Variants in CYP39A1 observed in about 807,000 individuals in gnomAD.
The protein encoded by CYP39A1 is cytochrome P450 family 39 subfamily A member 1.
A neutral mutation model predicts 58.1 loss-of-function variants in CYP39A1; 49 were observed. That is an observed-to-expected ratio of 0.84 (90% confidence interval 0.67 to 1.07). The LOEUF (loss-of-function observed/expected upper bound fraction) is 1.07, where lower values mean the gene tolerates loss of function less well. Ranked by LOEUF, CYP39A1 falls within the 50% of genes least tolerant of loss-of-function variation. The probability of loss-of-function intolerance (pLI) is 0.00; values close to 1 mark genes in which losing one functional copy is unlikely to be tolerated. For missense variants in CYP39A1, 531 were observed against 539.4 expected, an observed-to-expected ratio of 0.98 and a Z score of 0.16; for synonymous variants, 209 against 187.6, an observed-to-expected ratio of 1.11 and a Z score of -0.93.
intron 6 of CYP39A1, among the ~76,000 whole-genome samples, chr6:46,626,218 T>A (rs1228126679): frequency 6.6e-6 from 1 of 152,170 alleles, no homozygotes; most frequent in African/African-American, 2.4e-5. Flanking sequence ...GATAAAATCA[T>A]ACTGCTTTAC....
At chr6:46,551,342 A>C (rs1233468519) in intron 11 of CYP39A1, among the ~76,000 whole-genome samples, 1 of 148,896 alleles carries the variant, frequency 6.7e-6, no homozygotes, top group Non-Finnish European at 1.5e-5. Context: ...AGATTTCCTA[A>C]GGTTCTATGA....
At chr6:46,585,600 C>G (rs1030679318) in intron 10 of CYP39A1, among the ~76,000 whole-genome samples, 1 of 151,982 alleles carries the variant, frequency 6.6e-6, no homozygotes, top group African/African-American at 2.4e-5. Flanking sequence ...GTAACTGATA[C>G]TCAATTATAA....
chr6:46,600,903 C>A (rs561766003), intron 7 of CYP39A1, among the ~76,000 whole-genome samples: 4 of 152,096 alleles, frequency 2.6e-5, no homozygotes, highest in Non-Finnish European at 4.4e-5. Context: ...GGAAAACTCC[C>A]GATTTGTAGA....
chr6:46,562,625 C>CAAAA (rs1254760661), intron 10 of CYP39A1, among the ~76,000 whole-genome samples: 1 of 150,868 alleles, frequency 6.6e-6, no homozygotes, highest in East Asian at 2.0e-4. Context: ...ATAAAATAAA[C>CAAAA]AAATAAATAA....
At chr6:46,637,050 A>C (rs1776033580) in intron 4 of CYP39A1, among the ~76,000 whole-genome samples, 1 of 152,142 alleles carries the variant, frequency 6.6e-6, no homozygotes, top group South Asian at 2.1e-4. Flanking sequence ...AGGAGTACTA[A>C]CCTTATGAAC....
intron 7 of CYP39A1, among the ~76,000 whole-genome samples, chr6:46,596,404 C>T (rs1761062279): frequency 6.6e-6 from 1 of 152,058 alleles, no homozygotes; most frequent in Non-Finnish European, 1.5e-5. Context: ...TATCAAATAG[C>T]TAAGACAGTC....
chr6:46,587,308 A>G, intron 9 of CYP39A1, 143 bp from the exon 10 acceptor site: 5 of 673,408 alleles, frequency 7.4e-6, no homozygotes, highest in Non-Finnish European at 8.0e-6. Context: ...CCACCCTGTT[A>G]TTAATATTAG....
At chr6:46,583,150 T>C in intron 10 of CYP39A1, 4 of 985,386 alleles carry the variant, frequency 4.1e-6, no homozygotes, top group Non-Finnish European at 4.8e-6. Flanking sequence ...TGCTTCATTT[T>C]AACTTCTCAA....
Position 46,652,464 on chromosome 6 carries a change from C to G in CYP39A1, c.119G>C (p.Gly40Ala), listed in dbSNP as rs761905057. 9.3e-6 allele frequency: 15 copies of G among 1,613,782 alleles called. No homozygotes were observed. Among genetic ancestry groups the G allele is most frequent in the Non-Finnish European group, 1.2e-5 (14 of 1,179,950 alleles). ...PCIKGWIPWI[G>A]VGFEFGKAPL... ...GGCTTTCCCAAACTCAAATCCAACT[C>G]CAATCCAAGGAATCCAGCCCTTGAT... The change falls in exon 1 of 12, where the codon GGA becomes GCA. Residue 40 changes from glycine to alanine, a missense_variant. By Grantham distance (60) the Gly-to-Ala change is moderately conservative (BLOSUM62 0). Coordinates refer to ENST00000275016, the MANE Select transcript of CYP39A1 (RefSeq NM_016593.5).
At chr6:46,631,792 A>G (rs954624217) in intron 5 of CYP39A1, among the ~76,000 whole-genome samples, 3 of 152,220 alleles carry the variant, frequency 2.0e-5, no homozygotes, top group Admixed American at 1.3e-4. Context: ...AAGGCTACCC[A>G]TCTCAAGACA....
chr6:46,636,591 T>C (rs1484648876), intron 4 of CYP39A1, 109 bp from the exon 5 acceptor site: 5 of 689,002 alleles, frequency 7.3e-6, no homozygotes, highest in Non-Finnish European at 1.2e-5. Context: ...TCTCCAAATT[T>C]ATTCTTCATT....
At chr6:46,597,823 C>A in intron 7 of CYP39A1, among the ~76,000 whole-genome samples, 1 of 152,128 alleles carries the variant, frequency 6.6e-6, no homozygotes, top group African/African-American at 2.4e-5. Flanking sequence ...GTGTTAACAC[C>A]TCAACAATGA....
chr6:46,587,297 T>G (rs1344529171), intron 9 of CYP39A1, 132 bp from the exon 10 acceptor site: 1 of 683,944 alleles, frequency 1.5e-6, no homozygotes, highest in Non-Finnish European at 2.6e-6. Flanking sequence ...GGTAATTTTT[T>G]CCACCCTGTT....
At chr6:46,571,945 T>C (rs189319327) in intron 10 of CYP39A1, among the ~76,000 whole-genome samples, 63 of 152,228 alleles carry the variant, frequency 4.1e-4, no homozygotes, top group African/African-American at 1.5e-3. Context: ...AACATACTTA[T>C]AGCAATATAT....
intron 8 of CYP39A1, among the ~76,000 whole-genome samples, chr6:46,592,266 A>G (rs2206926): frequency 9.5e-4 from 144 of 152,202 alleles, no homozygotes; most frequent in African/African-American, 3.4e-3. Context: ...TCTAGTATGC[A>G]TAAAAAGGAA....
chr6:46,550,582 A>T (rs1770337874), intron 11 of CYP39A1, 145 bp from the exon 12 acceptor site: 2 of 605,062 alleles, frequency 3.3e-6, no homozygotes, highest in Non-Finnish European at 2.9e-6. Context: ...AATGAACTTC[A>T]CAATATCCAA....
At position 46,596,025 on chromosome 6, in the gene CYP39A1, C is replaced by T. The variant is rs1773127159; in HGVS notation, c.1027G>A (p.Val343Ile). The T allele has an allele frequency of 2.5e-6, 4 of 1,611,862 alleles. No homozygotes were observed. Among genetic ancestry groups the T allele is most frequent in the Non-Finnish European group, 2.5e-6 (3 of 1,178,946 alleles). Residue 343 changes from valine (V) to isoleucine (I), a missense_variant, in exon 8 of 12, where the codon GTC (valine) becomes ATC (isoleucine). By Grantham distance (29) the Val-to-Ile change is conservative (BLOSUM62 3). Transcript: ENST00000275016. ...GGCTTCACCACTTTTCTAGTAATGACACCAGGAGCTTTTAAACGAATGGTT... is the reference window on the plus strand; with the variant it reads ...GGCTTCACCACTTTTCTAGTAATGATACCAGGAGCTTTTAAACGAATGGTT... ...LETIRLKAPG[V>I]ITRKVVKPVE...
At chr6:46,641,583 A>G (rs1776339606) in intron 2 of CYP39A1, among the ~76,000 whole-genome samples, 2 of 152,190 alleles carry the variant, frequency 1.3e-5, no homozygotes, top group Non-Finnish European at 2.9e-5. Flanking sequence ...ACATGGCCCC[A>G]GTACACACAA....
At chr6:46,632,166 G>A (rs1775701938) in intron 5 of CYP39A1, among the ~76,000 whole-genome samples, 1 of 152,052 alleles carries the variant, frequency 6.6e-6, no homozygotes, top group Admixed American at 6.5e-5. Context: ...GAAAATGCAT[G>A]CAATAGTAAA....
Sources: allele counts gnomAD v4.1 joint callset (sites outside exome capture counted in the v4.1 genomes callset), GRCh38; gene constraint gnomAD v4.1.1; transcripts MANE v1.5; gene names NCBI Gene and HGNC (gene_info 2026-07-23, HGNC 2026-07-21).